Variants in ZNF665 observed in about 807,000 individuals in gnomAD.
ZNF665 encodes the protein zinc finger protein 665.
ZNF665 carries 6 observed loss-of-function variants against 7.9 expected under a neutral mutation model. The observed-to-expected ratio is 0.76, with a 90% CI of 0.42 to 1.50. The LOEUF (loss-of-function observed/expected upper bound fraction) is 1.50. Ranked by LOEUF, ZNF665 falls within the 40% of genes most tolerant of loss-of-function variation. The pLI is 0.01. For synonymous variants in ZNF665, 242 were observed against 274.5 expected (o/e 0.88, Z 1.17); for missense variants, 819 against 806.7 (o/e 1.02, Z -0.18).
chr19:53,164,356 T>C lies in ZNF665; in HGVS notation c.*97A>G, dbSNP rs1453439321. 4.0e-6 allele frequency: 4 copies of C among 988,790 alleles called. No individual in the cohort carries two copies. The Admixed American group carries it at 9.0e-5, about 22-fold the overall frequency. 61.3% of individuals were successfully genotyped at this position (988,790 alleles called of 1,614,324 possible). ...TTTCACCGTGTTGGCCAGCCTGGTC[T>C]CGAACTCGAGACCTCAGGTGATCCC... On this transcript the variant is annotated 3_prime_UTR_variant, in exon 4 of 4. Coordinates refer to ENST00000396424, the MANE Select transcript of ZNF665 (RefSeq NM_024733.5).
intron 3 of ZNF665, among the ~76,000 whole-genome samples, chr19:53,170,980 T>C: frequency 6.6e-6 from 1 of 151,256 alleles, no homozygotes; most frequent in Admixed American, 6.6e-5. Context: ...TATTCCTTTT[T>C]TGTTTGTTTG....
At chr19:53,172,199 T>C (rs117414581) in intron 3 of ZNF665, among the ~76,000 whole-genome samples, 3 of 152,212 alleles carry the variant, frequency 2.0e-5, no homozygotes, top group Admixed American at 2.0e-4. Flanking sequence ...CTTTAAAAAT[T>C]TCCAATATAT....
At chr19:53,190,620 T>G (rs902861490) in intron 1 of ZNF665, among the ~76,000 whole-genome samples, 9 of 152,204 alleles carry the variant, frequency 5.9e-5, no homozygotes, top group African/African-American at 2.2e-4. Flanking sequence ...TTCATCTGTA[T>G]GCTTCGTAGT....
chr19:53,183,444 G>A (rs1049764060), intron 1 of ZNF665, among the ~76,000 whole-genome samples: 1 of 152,190 alleles, frequency 6.6e-6, no homozygotes, highest in Non-Finnish European at 1.5e-5. Context: ...TCTGCTAAGG[G>A]GGCGTAAGAG....
rs1266873265 is a variant in ZNF665 at position 53,163,464 on chromosome 19, A to G, written c.*989T>C. The G allele has an allele frequency of 6.6e-6, 1 of 152,192 alleles. No homozygotes were observed. Among genetic ancestry groups the G allele is most frequent in the Non-Finnish European group, 1.5e-5 (1 of 68,036 alleles). 9.4% of individuals were successfully genotyped at this position (152,192 alleles called of 1,614,324 possible). On this transcript the variant is annotated 3_prime_UTR_variant, in exon 4 of 4. Transcript: ENST00000396424. ...TTCCAAGTGCTCTCTAATTCAGACTATATTTAATTTTAAAAGGCAGAGTCT... is the reference window on the plus strand; with the variant it reads ...TTCCAAGTGCTCTCTAATTCAGACTGTATTTAATTTTAAAAGGCAGAGTCT...
In ZNF665 at chr19:53,165,178, C is replaced by A; in HGVS notation, c.1312G>T (p.Ala438Ser). 1 of 1,614,144 alleles carries A rather than the reference C, an allele frequency of 6.2e-7. No homozygotes were observed. The highest frequency in any genetic ancestry group is 8.5e-7 in the Non-Finnish European group (1 of 1,180,016). ...KPYRCDECGKAFSVRSSLTTH... is the reference protein window; with the variant it reads ...KPYRCDECGKSFSVRSSLTTH... ...GTTAGGCTTGATCGCACACTAAAGG[C>A]TTTGCCACACTCATCACACCTGTAA... Residue 438 changes from alanine (A) to serine (S), a missense_variant, in exon 4 of 4, where the codon GCC becomes TCC. By Grantham distance (99) the Ala-to-Ser change is moderately conservative (BLOSUM62 1). Transcript: ENST00000396424.
At chr19:53,185,871 T>C (rs537247654) in intron 1 of ZNF665, among the ~76,000 whole-genome samples, 1 of 151,848 alleles carries the variant, frequency 6.6e-6, no homozygotes, top group Non-Finnish European at 1.5e-5. Flanking sequence ...TTCTCTTAAA[T>C]AGAGCATAGA....
intron 3 of ZNF665, among the ~76,000 whole-genome samples, chr19:53,167,040 T>A (rs2090620590): frequency 6.6e-6 from 1 of 152,134 alleles, no homozygotes; most frequent in South Asian, 2.1e-4. Context: ...TTTGCTCTTG[T>A]TGCCCAGGCT....
At chr19:53,182,498 G>A (rs1472277309) in intron 2 of ZNF665, 1 of 527,648 alleles carries the variant, frequency 1.9e-6, no homozygotes, top group Non-Finnish European at 3.4e-6. Context: ...AGCATTTCGT[G>A]GGTGCTTGTA....
intron 2 of ZNF665, chr19:53,179,858 C>G (rs977891046): frequency 3.3e-5 from 5 of 152,184 alleles, no homozygotes; most frequent in African/African-American, 1.2e-4. Context: ...AACTGGAGGA[C>G]AGCCAGTTGG....
Position 53,166,033 on chromosome 19 carries a change from G to A in ZNF665, c.457C>T (p.Gln153Ter). Residue 153 changes from glutamine to a stop codon, truncating the protein, a stop_gained, in exon 4 of 4, where the codon CAG (glutamine) becomes TAG (stop). Coordinates refer to ENST00000396424, the MANE Select transcript of ZNF665 (RefSeq NM_024733.5). LOFTEE classifies it low-confidence loss of function (END_TRUNC). ...ATTTTCCCTTCATGTTGAAATTGCTGCAGTTCAGGGAGATGTGACTGAAAG... is the reference window on the plus strand; with the variant it reads ...ATTTTCCCTTCATGTTGAAATTGCTACAGTTCAGGGAGATGTGACTGAAAG... Reference protein sequence around the residue: ...VSFQSHLPELQQFQHEGKIYE... With the variant: ...VSFQSHLPEL 6.2e-7 allele frequency: 1 copy of A among 1,613,980 alleles called. No individual in the cohort carries two copies. Among genetic ancestry groups the A allele is most frequent in the Non-Finnish European group, 8.5e-7 (1 of 1,179,892 alleles).
intron 2 of ZNF665, 157 bp downstream of exon 2, chr19:53,182,727 A>G: frequency 7.6e-7 from 1 of 1,322,622 alleles, no homozygotes. Context: ...CCAGAGATGG[A>G]ATCTAAGTGA....
intron 2 of ZNF665, among the ~76,000 whole-genome samples, chr19:53,176,918 G>A (rs991220699): frequency 1.3e-5 from 2 of 152,238 alleles, no homozygotes; most frequent in Admixed American, 1.3e-4. Flanking sequence ...TCAGGAGTTC[G>A]AGACGAGCCT....
intron 1 of ZNF665, among the ~76,000 whole-genome samples, chr19:53,183,881 A>G (rs1019940724): frequency 6.6e-6 from 1 of 152,062 alleles, no homozygotes; most frequent in Non-Finnish European, 1.5e-5. Context: ...CAGGCAGGAG[A>G]CGAGGTCAGA....
At chr19:53,190,523 A>T (rs2090809010) in intron 1 of ZNF665, among the ~76,000 whole-genome samples, 1 of 152,174 alleles carries the variant, frequency 6.6e-6, no homozygotes, top group Non-Finnish European at 1.5e-5. Context: ...GCTACATGCT[A>T]CTAGTAGCTG....
intron 1 of ZNF665, among the ~76,000 whole-genome samples, chr19:53,189,596 A>T (rs1011171187): frequency 2.4e-4 from 36 of 147,722 alleles, no homozygotes; most frequent in African/African-American, 3.7e-4. Flanking sequence ...TACTACTGCT[A>T]TCTAGAAGGC....
intron 1 of ZNF665, among the ~76,000 whole-genome samples, 176 bp from the exon 2 acceptor site, chr19:53,183,119 A>G (rs1298033463): frequency 6.6e-6 from 1 of 152,174 alleles, no homozygotes; most frequent in Non-Finnish European, 1.5e-5. Context: ...TGCAGGGATG[A>G]GAAACTCCTA....
At chr19:53,171,524 A>ATTTTTTTTTTTTTT (rs1215685651) in intron 3 of ZNF665, among the ~76,000 whole-genome samples, 2 of 69,324 alleles carry the variant, frequency 2.9e-5, no homozygotes, top group African/African-American at 1.0e-4. Context: ...ATATATATAT[A>ATTTTTTTTTTTTTT]TTTTTTTTTT....
rs191454951 is a variant in ZNF665 at position 53,168,886 on chromosome 19, C to A, written c.143-2539G>T. On this transcript the variant is annotated intron_variant, in intron 3 of 3. Coordinates refer to ENST00000396424, the MANE Select transcript of ZNF665 (RefSeq NM_024733.5). ...AAAAATGGTGCTGAAACAATTAGAT[C>A]TTCATATGCAAAAAAACCCTTTTGT... Among the ~76,000 whole-genome samples the A allele has an allele frequency of 2.3e-4, 35 of 152,156 alleles. 1 individual carries two copies. In the East Asian group the frequency reaches 5.0e-3, roughly 22 times the overall value.
Sources: allele counts gnomAD v4.1 joint callset (sites outside exome capture counted in the v4.1 genomes callset), GRCh38; gene constraint gnomAD v4.1.1; transcripts MANE v1.5; gene names NCBI Gene and HGNC (gene_info 2026-07-23, HGNC 2026-07-21).